The following ADAM22 variants were observed in gnomAD, a reference collection of about 807,000 sequenced individuals.
ADAM22 encodes ADAM metallopeptidase domain 22, also known as disintegrin and metalloproteinase domain-containing protein 22.
Under a neutral mutation model 144.6 loss-of-function variants are expected in ADAM22, and 65 were observed. The ratio of observed to expected loss-of-function variants is 0.45; its 90% CI spans 0.37 to 0.55. ADAM22 has a LOEUF of 0.55. Among genes scored for constraint, ADAM22 ranks in the 20% least tolerant of loss-of-function variants. The probability of loss-of-function intolerance (pLI) is 0.00; values close to 1 mark genes in which losing one functional copy is unlikely to be tolerated. For missense variants in ADAM22, 974 were observed against 1,184.9 expected (o/e 0.82, Z 2.61); for synonymous variants, 391 against 412.6 (o/e 0.95, Z 0.63).
intron 3 of ADAM22, among the ~76,000 whole-genome samples, chr7:88,063,051 A>G (rs546599238): frequency 2.0e-5 from 3 of 152,332 alleles, no homozygotes; most frequent in African/African-American, 7.2e-5. Context: ...AGAATTACCA[A>G]AATATGACAC....
chr7:87,962,426 G>A (rs922312412), intron 2 of ADAM22, among the ~76,000 whole-genome samples: 3 of 152,196 alleles, frequency 2.0e-5, no homozygotes, highest in African/African-American at 7.2e-5. Context: ...GAGAGTGGAA[G>A]ATGGTATAGC....
chr7:88,119,781 G>T (rs1287058279), intron 7 of ADAM22, among the ~76,000 whole-genome samples: 1 of 152,316 alleles, frequency 6.6e-6, no homozygotes, highest in Non-Finnish European at 1.5e-5. Flanking sequence ...GAGCCACTGC[G>T]CCCGGCCTAT....
At chr7:88,130,300 A>G in intron 9 of ADAM22, 88 bp from the exon 10 acceptor site, 4 of 946,778 alleles carry the variant, frequency 4.2e-6, no homozygotes, top group Non-Finnish European at 4.8e-6. Flanking sequence ...ATTTTTAGGG[A>G]TCTTTCAATT....
At chr7:88,009,617 T>C (rs888912313) in intron 3 of ADAM22, among the ~76,000 whole-genome samples, 5 of 152,220 alleles carry the variant, frequency 3.3e-5, no homozygotes, top group African/African-American at 4.8e-5. Context: ...AGTGCATTTA[T>C]ATTGATTTTA....
At chr7:88,022,944 ACT>A (rs1188745151) in intron 3 of ADAM22, among the ~76,000 whole-genome samples, 11 of 152,020 alleles carry the variant, frequency 7.2e-5, no homozygotes, top group African/African-American at 2.7e-4. Flanking sequence ...GAGCAATATA[ACT>A]CTTGCTGCAC....
chr7:88,083,548 A>G (rs543985079), intron 4 of ADAM22, among the ~76,000 whole-genome samples: 2 of 150,962 alleles, frequency 1.3e-5, no homozygotes, highest in African/African-American at 2.4e-5. Flanking sequence ...ATAGTTATCA[A>G]CACTTTGACT....
intron 7 of ADAM22, 130 bp downstream of exon 7, chr7:88,116,944 A>G (rs1427464178): frequency 1.6e-6 from 1 of 630,586 alleles, no homozygotes; most frequent in Non-Finnish European, 2.7e-6. Flanking sequence ...AGGGAGAGCC[A>G]AGTCACGTCA....
intron 8 of ADAM22, among the ~76,000 whole-genome samples, chr7:88,126,211 C>T (rs941111049): frequency 2.0e-5 from 3 of 151,938 alleles, no homozygotes; most frequent in Non-Finnish European, 4.4e-5. Flanking sequence ...ACTATTATTC[C>T]CCTTTCACTG....
Position 88,075,488 on chromosome 7 carries a change from G to A in ADAM22, c.324-138G>A, listed in dbSNP as rs28447091. On this transcript the variant is annotated intron_variant, in intron 3 of 31. Coordinates refer to ENST00000413139, the MANE Select transcript of ADAM22 (RefSeq NM_001324418.2). Reference sequence around the variant, plus strand: ...TCTGTGTGTGTGTGTGAGTGTGAGAGAGAGAGAGAGACCTATAAAGTGTTG... The same window carrying A: ...TCTGTGTGTGTGTGTGAGTGTGAGAAAGAGAGAGAGACCTATAAAGTGTTG... 2.2e-4 allele frequency: 104 copies of A among 476,596 alleles called. 1 individual carries two copies. Among genetic ancestry groups the A allele is most frequent in the African/African-American group, 6.0e-4 (19 of 31,494 alleles). The allele number at this position is 476,596 out of a possible 1,614,324, so 29.5% of individuals were successfully genotyped here.
In ADAM22 at chr7:88,149,010, G is replaced by A; in HGVS notation, c.1519G>A (p.Val507Ile). The A allele has an allele frequency of 6.2e-7, 1 of 1,612,522 alleles. No individual in the cohort carries two copies. Among genetic ancestry groups the A allele is most frequent in the Non-Finnish European group, 8.5e-7 (1 of 1,178,952 alleles). Residue 507 changes from valine to isoleucine, a missense_variant, in exon 18 of 32, where the codon GTA becomes ATA. Val to Ile is a conservative substitution (Grantham distance 29). Transcript: ENST00000413139. ...TATGGGCACTGTGTGCCGAGAAGCAGTAAATGATTGTGATATTCGTGAAAC... is the reference window on the plus strand; with the variant it reads ...TATGGGCACTGTGTGCCGAGAAGCAATAAATGATTGTGATATTCGTGAAAC... ...QPMGTVCREA[V>I]NDCDIRETCS...
At chr7:88,099,165 G>A (rs1822239238) in intron 4 of ADAM22, among the ~76,000 whole-genome samples, 1 of 152,086 alleles carries the variant, frequency 6.6e-6, no homozygotes, top group Admixed American at 6.6e-5. Context: ...AATTTTTAGG[G>A]GAAGATGGAA....
chr7:88,142,774 C>G (rs1452559686), intron 14 of ADAM22, among the ~76,000 whole-genome samples: 4 of 151,214 alleles, frequency 2.6e-5, no homozygotes, highest in Admixed American at 6.6e-5. Flanking sequence ...GGAGGTGGAG[C>G]TTGCAGTGAG....
At chr7:88,165,108 A>G (rs892635046) in intron 23 of ADAM22, among the ~76,000 whole-genome samples, 16 of 152,086 alleles carry the variant, frequency 1.1e-4, no homozygotes, top group African/African-American at 3.4e-4. Context: ...CTCATCTTCA[A>G]CCTAACTTAA....
At chr7:88,099,551 T>C (rs1318620995) in intron 4 of ADAM22, among the ~76,000 whole-genome samples, 1 of 152,164 alleles carries the variant, frequency 6.6e-6, no homozygotes, top group Non-Finnish European at 1.5e-5. Flanking sequence ...GCAAACATCA[T>C]TGAAAGGATA....
chr7:88,107,292 C>G (rs773201693), intron 4 of ADAM22, among the ~76,000 whole-genome samples: 14 of 147,228 alleles, frequency 9.5e-5, no homozygotes, highest in Non-Finnish European at 1.8e-4. Flanking sequence ...ACCTCCACTT[C>G]CCTGGTTCAA....
intron 7 of ADAM22, among the ~76,000 whole-genome samples, chr7:88,120,395 T>C (rs1436548526): frequency 1.3e-5 from 2 of 151,658 alleles, no homozygotes; most frequent in African/African-American, 4.8e-5. Flanking sequence ...AGAACCACTG[T>C]TTTATGAGAA....
At chr7:88,176,186 G>A (rs867616228) in intron 26 of ADAM22, among the ~76,000 whole-genome samples, 1 of 152,206 alleles carries the variant, frequency 6.6e-6, no homozygotes, top group Middle Eastern at 3.4e-3. Flanking sequence ...TGTTGGTCAG[G>A]CTGGTCTCGA....
At chr7:87,964,553 A>G in intron 2 of ADAM22, 1 of 373,562 alleles carries the variant, frequency 2.7e-6, no homozygotes, top group Non-Finnish European at 5.1e-6. Flanking sequence ...TGTCTAACAG[A>G]ATAATTTGAT....
intron 3 of ADAM22, among the ~76,000 whole-genome samples, chr7:88,005,427 C>G (rs188019364): frequency 6.6e-6 from 1 of 152,264 alleles, no homozygotes; most frequent in Admixed American, 6.5e-5. Flanking sequence ...AGTGCTATCA[C>G]CATCACAGTG....
Sources: allele counts gnomAD v4.1 joint callset (sites outside exome capture counted in the v4.1 genomes callset), GRCh38; gene constraint gnomAD v4.1.1; transcripts MANE v1.5; gene names NCBI Gene and HGNC (gene_info 2026-07-23, HGNC 2026-07-21).